ZFAT: variants seen among roughly 807,000 people sequenced by gnomAD.
The protein encoded by ZFAT is zinc finger protein ZFAT.
Under a neutral mutation model 117.7 loss-of-function variants are expected in ZFAT, and 64 were observed. That is an observed-to-expected ratio of 0.54 (90% CI 0.44 to 0.67). The LOEUF is 0.67. Among genes scored for constraint, ZFAT ranks in the 30% least tolerant of loss-of-function variants. ZFAT has a pLI of 0.00. For synonymous variants in ZFAT, 679 were observed against 615.0 expected (o/e 1.10, Z -1.54); for missense variants, 1,433 against 1,584.5 (o/e 0.90, Z 1.62).
At chr8:134,516,004 G>A (rs117722871) in intron 13 of ZFAT, among the ~76,000 whole-genome samples, 1,589 of 152,244 alleles carry the variant, frequency 0.01, 12 homozygotes, top group Middle Eastern at 0.017. Context: ...CACTTTTTAG[G>A]TTTGTTCAAA....
chr8:134,695,681 C>A (rs367821799), intron 1 of ZFAT, among the ~76,000 whole-genome samples: 1 of 150,630 alleles, frequency 6.6e-6, no homozygotes, highest in South Asian at 2.1e-4. Context: ...GGTGGCACCG[C>A]CCCCCCAGGC....
chr8:134,582,539 T>C (rs1000804144), intron 10 of ZFAT, among the ~76,000 whole-genome samples: 63 of 152,254 alleles, frequency 4.1e-4, no homozygotes, highest in Non-Finnish European at 5.9e-5. Flanking sequence ...ATGACTTTAA[T>C]GCTTTCATTA....
intron 3 of ZFAT, among the ~76,000 whole-genome samples, chr8:134,617,621 G>A (rs16905199): frequency 0.065 from 9,830 of 152,080 alleles, 1,090 homozygotes; most frequent in African/African-American, 0.22. Context: ...CAGTTATCAC[G>A]CGACCATCTC....
At chr8:134,648,260 G>GAA (rs200277893) in intron 2 of ZFAT, among the ~76,000 whole-genome samples, 3 of 145,834 alleles carry the variant, frequency 2.1e-5, no homozygotes, top group African/African-American at 5.0e-5. Context: ...TCCAACCTAA[G>GAA]AAAAAAAAAC....
chr8:134,516,417 A>G (rs1008831003), intron 13 of ZFAT, among the ~76,000 whole-genome samples: 13 of 152,224 alleles, frequency 8.5e-5, no homozygotes, highest in African/African-American at 3.1e-4. Flanking sequence ...GAAGGTTGCA[A>G]CATGGTAATA....
In ZFAT at chr8:134,478,821, C is replaced by T. The variant is rs150876700; in HGVS notation, c.3493-100G>A. On this transcript the variant is annotated intron_variant, in intron 15 of 15. Transcript: ENST00000377838. This position sits in a 1 kb window ranked among gnomAD's most constrained non-coding sequence, Gnocchi z 5.2. ...CAGTTTAGGAGGCACCAGTGCGCTG[C>T]GGGAGCACGTCCATTCTCCACGGAT... The T allele has an allele frequency of 4.7e-4, 694 of 1,461,770 alleles. 14 individuals are homozygous for T. In the East Asian group the frequency reaches 0.013, roughly 27 times the overall value. The allele number at this position is 1,461,770 out of a possible 1,614,324, so 90.5% of individuals were successfully genotyped here.
chr8:134,668,973 G>T (rs569441642), intron 1 of ZFAT, among the ~76,000 whole-genome samples: 1 of 152,162 alleles, frequency 6.6e-6, no homozygotes, highest in African/African-American at 2.4e-5. Context: ...TTCAGTAGCC[G>T]ATTCGATCAA....
the ZFAT span, among the ~76,000 whole-genome samples, chr8:134,813,303 T>C: frequency 2.6e-5 from 4 of 152,250 alleles, no homozygotes; most frequent in African/African-American, 4.8e-5. Flanking sequence ...GGCTGCCTTC[T>C]TCCTAAGGCC....
the ZFAT span, among the ~76,000 whole-genome samples, chr8:134,762,509 C>T: frequency 1.3e-5 from 2 of 152,166 alleles, no homozygotes; most frequent in Non-Finnish European, 2.9e-5. Context: ...CTTTCAGACA[C>T]CATCATCTCC....
Position 134,602,915 on chromosome 8 carries a change from G to A in ZFAT, c.804C>T (p.Leu268=), listed in dbSNP as rs1586797278. ...TGCAGTATTCACAAGTGAAGATTTT[G>A]AGCTGAGTGGGACCTAGCCTAGAAA... ...MKSSRLGPTQ[L]KIFTCEYCNK... The change falls in exon 6 of 16, where the codon CTC becomes CTT. Residue 268 remains leucine (L), a synonymous_variant. Transcript: ENST00000377838. 10 of 1,610,594 alleles carry A rather than the reference G, an allele frequency of 6.2e-6. No homozygotes were observed. The East Asian group carries it at 2.2e-4, about 36-fold the overall frequency.
At chr8:134,818,286 A>C in the ZFAT span, among the ~76,000 whole-genome samples, 14 of 152,354 alleles carry the variant, frequency 9.2e-5, no homozygotes, top group South Asian at 1.4e-3. Context: ...GTAAGAAAAC[A>C]ACCAACCAGA....
chr8:134,511,997 G>A (rs1179819312), intron 14 of ZFAT, among the ~76,000 whole-genome samples: 1 of 152,156 alleles, frequency 6.6e-6, no homozygotes, highest in African/African-American at 2.4e-5. Context: ...GTAGGCCCTG[G>A]AGGAGATGTC....
chr8:134,547,333 T>C (rs1342029901), intron 11 of ZFAT, among the ~76,000 whole-genome samples: 3 of 152,228 alleles, frequency 2.0e-5, no homozygotes, highest in Admixed American at 6.5e-5. Flanking sequence ...TTTTATACTG[T>C]ATTTTCAGTT....
the ZFAT span, among the ~76,000 whole-genome samples, chr8:134,729,845 T>G: frequency 6.6e-6 from 1 of 152,154 alleles, no homozygotes; most frequent in Non-Finnish European, 1.5e-5. Context: ...AACTTAAGAG[T>G]ATCCACTCCA....
At chr8:134,573,129 G>T (rs1243435113) in intron 10 of ZFAT, among the ~76,000 whole-genome samples, 1 of 152,186 alleles carries the variant, frequency 6.6e-6, no homozygotes, top group Non-Finnish European at 1.5e-5. Context: ...GGAAGAAATT[G>T]CCAAGAGGCT....
the ZFAT span, among the ~76,000 whole-genome samples, chr8:134,783,523 G>A: frequency 6.6e-6 from 1 of 152,160 alleles, no homozygotes; most frequent in African/African-American, 2.4e-5. Flanking sequence ...GGTTCCTGGT[G>A]CCAAAAAGGT....
At chr8:134,799,156 C>T in the ZFAT span, among the ~76,000 whole-genome samples, 1 of 152,088 alleles carries the variant, frequency 6.6e-6, no homozygotes, top group East Asian at 1.9e-4. Flanking sequence ...ATTAGAAAAA[C>T]AGCACTCACC....
the ZFAT span, among the ~76,000 whole-genome samples, chr8:134,767,476 A>G: frequency 6.6e-6 from 1 of 152,204 alleles, no homozygotes; most frequent in East Asian, 1.9e-4. Flanking sequence ...TGATAATACC[A>G]TGGTATAACT....
At chr8:134,576,691 C>T (rs375746586) in intron 10 of ZFAT, among the ~76,000 whole-genome samples, 1 of 152,240 alleles carries the variant, frequency 6.6e-6, no homozygotes, top group South Asian at 2.1e-4. Flanking sequence ...AAACAAAACT[C>T]CATACTTAGA....
Sources: gnomAD v4.1 joint callset for allele counts (sites outside exome capture counted in the v4.1 genomes callset) on GRCh38, gnomAD v4.1.1 for gene constraint, Gnocchi (gnomAD v3.1) non-coding constraint, MANE v1.5 for transcripts, NCBI Gene and HGNC (gene_info 2026-07-23, HGNC 2026-07-21) for gene names.